Variants in RAB8A observed in about 807,000 individuals in gnomAD.
RAB8A encodes ras-related protein Rab-8A.
In RAB8A, 5 loss-of-function variants were observed where a neutral mutation model predicts 29.2. The ratio of observed to expected loss-of-function variants is 0.17; its 90% CI spans 0.09 to 0.36. The LOEUF is 0.36. Ranked by LOEUF, RAB8A falls within the 10% of genes least tolerant of loss-of-function variation. The pLI is 1.00. For missense variants in RAB8A, 171 were observed against 272.2 expected (o/e 0.63, Z 2.62); for synonymous variants, 108 against 99.9 (o/e 1.08, Z -0.49).
intron 2 of RAB8A, among the ~76,000 whole-genome samples, chr19:16,120,462 G>A (rs2090869620): frequency 1.3e-5 from 2 of 151,824 alleles, no homozygotes; most frequent in South Asian, 4.2e-4. Context: ...ACAGGCACCT[G>A]CCACCATGCC....
intron 1 of RAB8A, among the ~76,000 whole-genome samples, chr19:16,114,577 G>A (rs1265743174): frequency 7.0e-6 from 1 of 143,846 alleles, no homozygotes; most frequent in Non-Finnish European, 1.5e-5. Flanking sequence ...TTTTAGTAGA[G>A]ATGGGGTTTC....
chr19:16,131,170 G>A (rs1458510492), intron 7 of RAB8A, among the ~76,000 whole-genome samples: 1 of 152,090 alleles, frequency 6.6e-6, no homozygotes, highest in Non-Finnish European at 1.5e-5. Context: ...ACCCAGGCTG[G>A]ACTCAAACTC....
chr19:16,127,966 G>A lies in RAB8A; in HGVS notation c.415-60G>A, dbSNP rs1302910793. ...GGCCCTGCCTTCAGCTCCTGTTTTA[G>A]GCAAGCTCAGATGCGCCCGGCGGCT... On this transcript the variant is annotated intron_variant, in intron 5 of 7. Transcript: ENST00000300935. This position sits in a 1 kb window ranked among gnomAD's most constrained non-coding sequence, Gnocchi z 4.8. 5.7e-6 allele frequency: 9 copies of A among 1,574,962 alleles called. No homozygotes were observed. Among genetic ancestry groups the A allele is most frequent in the Non-Finnish European group, 7.9e-6 (9 of 1,144,680 alleles).
At chr19:16,120,772 G>A (rs564618248) in intron 2 of RAB8A, among the ~76,000 whole-genome samples, 6 of 151,858 alleles carry the variant, frequency 4.0e-5, no homozygotes, top group Admixed American at 6.6e-5. Context: ...CATCATGCCC[G>A]CCTAATTTTT....
At chr19:16,119,424 C>G (rs112432802) in intron 2 of RAB8A, among the ~76,000 whole-genome samples, 3 of 152,236 alleles carry the variant, frequency 2.0e-5, no homozygotes, top group East Asian at 3.9e-4. Context: ...AGGCTGGTCT[C>G]CAACTCCCGA....
chr19:16,114,332 A>G (rs2090836863), intron 1 of RAB8A, among the ~76,000 whole-genome samples: 1 of 151,132 alleles, frequency 6.6e-6, no homozygotes, highest in Non-Finnish European at 1.5e-5. Context: ...ACTGGCTTGC[A>G]TTCACTCAGA....
Position 16,125,083 on chromosome 19 carries a change from A to G in RAB8A, c.247-387A>G. On this transcript the variant is annotated intron_variant, in intron 3 of 7. Transcript: ENST00000300935. This position sits in a 1 kb window ranked among gnomAD's most constrained non-coding sequence, Gnocchi z 5.0. Reference sequence around the variant, plus strand: ...GTGAAGAGGAGGCCGATTGCAGGGGAGGGTCAGCGTGAGGGGAGTGCTGCT... The same window carrying G: ...GTGAAGAGGAGGCCGATTGCAGGGGGGGGTCAGCGTGAGGGGAGTGCTGCT... 3.2e-6 allele frequency: 1 copy of G among 308,838 alleles called. No individual in the cohort carries two copies. The highest frequency in any genetic ancestry group is 6.4e-6 in the Non-Finnish European group (1 of 156,598). The allele number at this position is 308,838 out of a possible 1,614,324, so 19.1% of individuals were successfully genotyped here. A position where few individuals can be genotyped will look rare whatever the true frequency, so the allele number is the denominator to read the frequency against.
At position 16,127,009 on chromosome 19, in the gene RAB8A, A is replaced by T. The variant is rs1224069625; in HGVS notation, c.325-428A>T. 6.5e-6 allele frequency: 1 copy of T among 153,850 alleles called. No individual in the cohort carries two copies. The highest frequency in any genetic ancestry group is 1.4e-5 in the Non-Finnish European group (1 of 69,254). 9.5% of individuals were successfully genotyped at this position (153,850 alleles called of 1,614,324 possible). A position where few individuals can be genotyped will look rare whatever the true frequency, so the allele number is the denominator to read the frequency against. ...CCATCTCAAAAAAAAACAAAAAAAA[A>T]AGTGTCAAAGCAGAAGGTCCCAGGA... On this transcript the variant is annotated intron_variant, in intron 4 of 7. Coordinates refer to ENST00000300935, the MANE Select transcript of RAB8A (RefSeq NM_005370.5). This position sits in a 1 kb window ranked among gnomAD's most constrained non-coding sequence, Gnocchi z 4.8.
rs553714228 is a variant in RAB8A at position 16,127,252 on chromosome 19, G to C, written c.325-185G>C. On this transcript the variant is annotated intron_variant, in intron 4 of 7. Transcript: ENST00000300935. This position sits in a 1 kb window ranked among gnomAD's most constrained non-coding sequence, Gnocchi z 4.8. Reference sequence around the variant, plus strand: ...AGCTAGAACCCTGGCCCCAGCCCTGGCATTGGCTGTGTGACATGGGGCCGG... The same window carrying C: ...AGCTAGAACCCTGGCCCCAGCCCTGCCATTGGCTGTGTGACATGGGGCCGG... 6.6e-6 allele frequency among the ~76,000 whole-genome samples: 1 copy of C among 152,166 alleles called. No individual in the cohort carries two copies. Among genetic ancestry groups the C allele is most frequent in the East Asian group, 1.9e-4 (1 of 5,150 alleles).
chr19:16,123,918 T>G (rs1319308312), intron 3 of RAB8A: 1 of 152,026 alleles, frequency 6.6e-6, no homozygotes, highest in African/African-American at 2.4e-5. Context: ...GATGGCTGGC[T>G]CAGTGTTTTC....
chr19:16,112,734 C>T (rs572820026), intron 1 of RAB8A: 1 of 152,700 alleles, frequency 6.5e-6, no homozygotes, highest in South Asian at 2.1e-4. Flanking sequence ...CACACCATTC[C>T]TGCTCTTTTC....
chr19:16,126,143 T>G (rs944404153), intron 4 of RAB8A: 17 of 182,042 alleles, frequency 9.3e-5, no homozygotes, highest in Middle Eastern at 2.8e-3. Context: ...GCTTCAGGTC[T>G]GAGGCACAGC....
chr19:16,129,317 G>T (rs55980421), intron 6 of RAB8A, among the ~76,000 whole-genome samples: 1 of 152,094 alleles, frequency 6.6e-6, no homozygotes, highest in Non-Finnish European at 1.5e-5. Context: ...ATGCTAAGGT[G>T]CTCTGCGGAA....
chr19:16,112,691 C>T (rs2090829958), intron 1 of RAB8A: 1 of 153,120 alleles, frequency 6.5e-6, no homozygotes, highest in Non-Finnish European at 1.5e-5. Context: ...ATGACAAGCT[C>T]AGCTAATGCA....
rs374931717 is a variant in RAB8A, at chr19:16,127,987, C to T, written c.415-39C>T. ...TTTAGGCAAGCTCAGATGCGCCCGG[C>T]GGCTGGTGTGCTCATGCGTGTGCCT... On this transcript the variant is annotated intron_variant, in intron 5 of 7. Transcript: ENST00000300935. The surrounding 1 kb of genome is among the most constrained non-coding windows in gnomAD (Gnocchi z 4.8). The T allele has an allele frequency of 1.1e-5, 17 of 1,605,434 alleles. No homozygotes were observed. Among genetic ancestry groups the T allele is most frequent in the South Asian group, 7.7e-5 (7 of 90,906 alleles).
chr19:16,115,836 C>G (rs1000902697), intron 1 of RAB8A, among the ~76,000 whole-genome samples: 4 of 152,052 alleles, frequency 2.6e-5, no homozygotes, highest in Non-Finnish European at 5.9e-5. Context: ...TTTGAGAGGG[C>G]GAAAGTCCAG....
intron 1 of RAB8A, 139 bp from the exon 2 acceptor site, chr19:16,118,087 G>A (rs1362190219): frequency 5.9e-6 from 4 of 676,908 alleles, no homozygotes; most frequent in Admixed American, 5.0e-5. Context: ...TGGATATTCC[G>A]ACATCCTGCA....
In RAB8A at chr19:16,111,927, T is replaced by G; in HGVS notation, c.26T>G (p.Phe9Cys). 6.2e-7 allele frequency: 1 copy of G among 1,613,978 alleles called. No homozygotes were observed. Among genetic ancestry groups the G allele is most frequent in the Non-Finnish European group, 8.5e-7 (1 of 1,179,878 alleles). Residue 9 changes from phenylalanine to cysteine, a missense_variant, in exon 1 of 8, where the codon TTC (phenylalanine) becomes TGC (cysteine). Around this residue, in one of 3 missense-constraint regions of RAB8A, gnomAD observed 26 missense variants for 42.9 expected, o/e 0.61. Coordinates refer to ENST00000300935, the MANE Select transcript of RAB8A (RefSeq NM_005370.5). ...ATGGCGAAGACCTACGATTACCTGTTCAAGCTGCTGCTGATCGGGGACTCG... is the reference window on the plus strand; with the variant it reads ...ATGGCGAAGACCTACGATTACCTGTGCAAGCTGCTGCTGATCGGGGACTCG... MAKTYDYL[F>C]KLLLIGDSGV...
intron 3 of RAB8A, among the ~76,000 whole-genome samples, chr19:16,123,452 C>T (rs983207229): frequency 6.6e-6 from 1 of 151,996 alleles, no homozygotes; most frequent in Admixed American, 6.6e-5. Context: ...ACTAAAAATA[C>T]AAAAATTAGC....
Sources: allele counts gnomAD v4.1 joint callset (sites outside exome capture counted in the v4.1 genomes callset), GRCh38; gene constraint gnomAD v4.1.1; regional missense constraint gnomAD v4.1.1; non-coding constraint Gnocchi (gnomAD v3.1); transcripts MANE v1.5; gene names NCBI Gene and HGNC (gene_info 2026-07-23, HGNC 2026-07-21).